Variants in CLEC17A observed in about 807,000 individuals in gnomAD.
The protein encoded by CLEC17A is C-type lectin domain containing 17A, also known as C-type lectin domain family 17, member A.
Under a neutral mutation model 61.3 loss-of-function variants are expected in CLEC17A, and 37 were observed. The observed-to-expected ratio is 0.60, with a 90% CI of 0.46 to 0.79. The LOEUF is 0.79. CLEC17A is among the 30% of genes least tolerant of loss of function. CLEC17A has a pLI of 0.00. For missense variants in CLEC17A, 418 were observed against 464.7 expected (o/e 0.90, Z 0.92); for synonymous variants, 168 against 164.9 (o/e 1.02, Z -0.14).
In CLEC17A at chr19:14,607,024, G is replaced by C. The variant is rs1353497994; in HGVS notation, c.926G>C (p.Arg309Pro). 3 of 1,320,560 alleles carry C rather than the reference G, an allele frequency of 2.3e-6. No homozygotes were observed. Among genetic ancestry groups the C allele is most frequent in the Non-Finnish European group, 1.9e-6 (2 of 1,029,678 alleles). The allele number at this position is 1,320,560 out of a possible 1,614,324, so 81.8% of individuals were successfully genotyped here. A position where few individuals can be genotyped will look rare whatever the true frequency, so the allele number is the denominator to read the frequency against. ...GTGGCCAAGGCCCATGGCTCTCCAC[G>C]GGTGTACTGGCTGGGGCTGAATGAC... Reference protein sequence around the residue: ...NFVAKAHGSPRVYWLGLNDRA... With the variant: ...NFVAKAHGSPPVYWLGLNDRA... The change falls in exon 13 of 14, where the codon CGG (arginine) becomes CCG (proline). Residue 309 changes from arginine to proline, a missense_variant. Arg to Pro is a moderately radical substitution (Grantham distance 103, BLOSUM62 -2). Coordinates refer to ENST00000417570, the MANE Select transcript of CLEC17A (RefSeq NM_001204118.2).
intron 10 of CLEC17A, among the ~76,000 whole-genome samples, chr19:14,597,569 T>C (rs1423723050): frequency 6.6e-6 from 1 of 152,030 alleles, no homozygotes; most frequent in Non-Finnish European, 1.5e-5. Context: ...CAAGGCTCCA[T>C]CTCTAAAAAA....
chr19:14,583,752 C>A (rs2074221895), intron 2 of CLEC17A, among the ~76,000 whole-genome samples: 2 of 152,130 alleles, frequency 1.3e-5, no homozygotes, highest in African/African-American at 4.8e-5. Context: ...GAAGAGAAGT[C>A]CAGGAGAGAA....
intron 2 of CLEC17A, among the ~76,000 whole-genome samples, chr19:14,586,726 C>T (rs971678208): frequency 4.6e-5 from 7 of 152,050 alleles, no homozygotes; most frequent in African/African-American, 1.4e-4. Flanking sequence ...TGCGCCCAGC[C>T]TATTTCTATG....
At chr19:14,595,383 T>G in intron 8 of CLEC17A, 68 bp downstream of exon 8, 1 of 1,547,092 alleles carries the variant, frequency 6.5e-7, no homozygotes, top group South Asian at 1.1e-5. Flanking sequence ...GGCTCTACAG[T>G]GAGACCCTGA....
At position 14,611,719 on chromosome 19, in the gene CLEC17A, T is replaced by C. The variant is rs2075041861; in HGVS notation, c.*1523T>C. Among the ~76,000 whole-genome samples, 1 of 152,060 alleles carries C rather than the reference T, an allele frequency of 6.6e-6. No individual in the cohort carries two copies. The highest frequency in any genetic ancestry group is 1.5e-5 in the Non-Finnish European group (1 of 67,988). The stretch of plus-strand genomic sequence containing the variant: ...TCTTTGATGATATAATTCACTTTAC[T>C]TGCCAGGCACAGTGGCTCACGCCTG... On this transcript the variant is annotated 3_prime_UTR_variant, in exon 14 of 14. Transcript: ENST00000417570.
Position 14,596,866 on chromosome 19 carries a change from C to T in CLEC17A, c.446-10C>T. 1.2e-6 allele frequency: 2 copies of T among 1,607,712 alleles called. No homozygotes were observed. Among genetic ancestry groups the T allele is most frequent in the East Asian group, 2.2e-5 (1 of 44,446 alleles). ...GTATCAGTCTCTCTGTTCCCATCCC[C>T]ACTCCCCAGCAACTCCAGTCCCCTG... On this transcript the variant is annotated splice_polypyrimidine_tract_variant and intron_variant, in intron 8 of 13. Coordinates refer to ENST00000417570, the MANE Select transcript of CLEC17A (RefSeq NM_001204118.2).
chr19:14,587,131 G>A (rs570373559), intron 2 of CLEC17A, among the ~76,000 whole-genome samples: 52 of 151,910 alleles, frequency 3.4e-4, no homozygotes, highest in Admixed American at 9.2e-4. Flanking sequence ...AAACTCAGGC[G>A]ACCTGCCAGC....
At chr19:14,583,947 T>C (rs1351554362) in intron 2 of CLEC17A, 1 of 163,348 alleles carries the variant, frequency 6.1e-6, no homozygotes, top group African/African-American at 2.4e-5. Flanking sequence ...AGTGGAGGTT[T>C]GGGCCAGCTG....
In CLEC17A at chr19:14,587,657, A is replaced by C; in HGVS notation, c.165A>C (p.Ser55=). 6.2e-7 allele frequency: 1 copy of C among 1,603,662 alleles called. No homozygotes were observed. The highest frequency in any genetic ancestry group is 8.5e-7 in the Non-Finnish European group (1 of 1,175,238). Residue 55 remains serine (S), a synonymous_variant, in exon 3 of 14, where the codon TCA becomes TCC. Transcript: ENST00000417570. ...EEEEDDDYEN[S]TPPYKDLPPK... ...AGGAGGATGATGACTATGAGAACTCAACACCTCCCTACAAGGACCTTCCTC... is the reference window on the plus strand; with the variant it reads ...AGGAGGATGATGACTATGAGAACTCCACACCTCCCTACAAGGACCTTCCTC...
intron 7 of CLEC17A, 44 bp from the exon 8 acceptor site, chr19:14,595,230 T>A (rs1255605451): frequency 6.2e-7 from 1 of 1,608,494 alleles, no homozygotes; most frequent in Non-Finnish European, 8.5e-7. Flanking sequence ...GAAGACAGAG[T>A]CTTTGGCATC....
intron 3 of CLEC17A, among the ~76,000 whole-genome samples, chr19:14,590,936 G>A (rs1346390846): frequency 1.3e-5 from 2 of 150,524 alleles, no homozygotes; most frequent in Non-Finnish European, 3.0e-5. Flanking sequence ...GGCCTCAAGC[G>A]ATCCTCCTGC....
At chr19:14,604,487 G>A (rs1326239055) in intron 12 of CLEC17A, among the ~76,000 whole-genome samples, 6 of 152,056 alleles carry the variant, frequency 3.9e-5, no homozygotes, top group African/African-American at 1.4e-4. Context: ...AAAGTCGGCC[G>A]GCTGCAGTGG....
chr19:14,601,991 A>G (rs1353848086), intron 12 of CLEC17A, among the ~76,000 whole-genome samples: 1 of 151,836 alleles, frequency 6.6e-6, no homozygotes, highest in African/African-American at 2.4e-5. Context: ...ACGGGGTTTC[A>G]CTGTGTTAGC....
At chr19:14,597,774 AT>A (rs113504601) in intron 10 of CLEC17A, among the ~76,000 whole-genome samples, 8,733 of 150,490 alleles carry the variant, frequency 0.058, 817 homozygotes, top group African/African-American at 0.2. Context: ...TGGTTAAAAA[AT>A]TTTTTTTTTG....
intron 2 of CLEC17A, among the ~76,000 whole-genome samples, chr19:14,586,186 T>C (rs2074274079): frequency 6.6e-6 from 1 of 150,900 alleles, no homozygotes; most frequent in Non-Finnish European, 1.5e-5. Flanking sequence ...AGTGCAATGG[T>C]GCAATCTTGG....
chr19:14,593,854 T>A (rs533587400), intron 4 of CLEC17A, among the ~76,000 whole-genome samples: 4 of 151,840 alleles, frequency 2.6e-5, no homozygotes, highest in African/African-American at 7.2e-5. Context: ...CCCAGCTACT[T>A]GGGAGACTGA....
At chr19:14,600,224 G>A (rs2074669761) in intron 12 of CLEC17A, 42 bp downstream of exon 12, 2 of 1,602,346 alleles carry the variant, frequency 1.2e-6, no homozygotes, top group East Asian at 2.2e-5. Flanking sequence ...TTCAGGGACA[G>A]CCTGCTTCTC....
intron 2 of CLEC17A, among the ~76,000 whole-genome samples, chr19:14,586,296 G>A (rs780426803): frequency 9.9e-5 from 15 of 152,072 alleles, no homozygotes; most frequent in Admixed American, 7.2e-4. Context: ...GGCTAATTTT[G>A]TATTTTTAGA....
chr19:14,607,010 C>G lies in CLEC17A; in HGVS notation c.912C>G (p.Ala304=). 7.7e-7 allele frequency: 1 copy of G among 1,301,296 alleles called. No homozygotes were observed. Among genetic ancestry groups the G allele is most frequent in the Non-Finnish European group, 9.8e-7 (1 of 1,020,760 alleles). 80.6% of individuals were successfully genotyped at this position (1,301,296 alleles called of 1,614,324 possible). ...ATTTGCAGAATTTTGTGGCCAAGGC[C>G]CATGGCTCTCCACGGGTGTACTGGC... ...SFAEHNFVAK[A]HGSPRVYWLG... Residue 304 remains alanine, a synonymous_variant, in exon 13 of 14, where the codon GCC becomes GCG. Transcript: ENST00000417570.
Sources: allele counts gnomAD v4.1 joint callset (sites outside exome capture counted in the v4.1 genomes callset), GRCh38; gene constraint gnomAD v4.1.1; transcripts MANE v1.5; gene names NCBI Gene and HGNC (gene_info 2026-07-23, HGNC 2026-07-21).